Variants in FIBCD1 observed in about 807,000 individuals in gnomAD.
The protein encoded by FIBCD1 is fibrinogen C domain-containing protein 1.
A neutral mutation model predicts 45.1 loss-of-function variants in FIBCD1; 47 were observed. The observed-to-expected ratio is 1.04, with a 90% CI of 0.82 to 1.33. The LOEUF (loss-of-function observed/expected upper bound fraction) is 1.33. Among genes scored for constraint, FIBCD1 ranks in the 40% most tolerant of loss-of-function variants. FIBCD1 has a pLI of 0.00. For missense variants in FIBCD1, 653 were observed against 682.2 expected (o/e 0.96, Z 0.48); for synonymous variants, 313 against 308.1 (o/e 1.02, Z -0.17).
chr9:130,928,012 T>C (rs1431930790), intron 2 of FIBCD1, among the ~76,000 whole-genome samples: 1 of 152,130 alleles, frequency 6.6e-6, no homozygotes, highest in Non-Finnish European at 1.5e-5. Context: ...AGGCTGCCTG[T>C]AGGCACAGCT....
chr9:130,916,164 T>A (rs370760607), intron 4 of FIBCD1, among the ~76,000 whole-genome samples: 1 of 152,174 alleles, frequency 6.6e-6, no homozygotes, highest in South Asian at 2.1e-4. Flanking sequence ...CACCTGACCT[T>A]GTGATCCACC....
At chr9:130,905,924 G>A (rs2133066377) in intron 5 of FIBCD1, among the ~76,000 whole-genome samples, 1 of 152,294 alleles carries the variant, frequency 6.6e-6, no homozygotes. Flanking sequence ...GCCAACACAT[G>A]TGCCCCTGTG....
rs1200727626 is a variant in FIBCD1 at position 130,926,071 on chromosome 9, T to C, written c.553-1675A>G. On this transcript the variant is annotated intron_variant, in intron 2 of 6. Coordinates refer to ENST00000372338, the MANE Select transcript of FIBCD1 (RefSeq NM_032843.5). This position sits in a 1 kb window ranked among gnomAD's most constrained non-coding sequence, Gnocchi z 4.1. ...GTTTGGGTTTCACGGCAGCATCCTG[T>C]AGACGAGCTCCACTGGGCACGCCCC... Among the ~76,000 whole-genome samples, 3 of 152,058 alleles carry C rather than the reference T, an allele frequency of 2.0e-5. No homozygotes were observed. Among genetic ancestry groups the C allele is most frequent in the Admixed American group, 6.5e-5 (1 of 15,274 alleles).
rs1248151809 is a variant in FIBCD1, at chr9:130,926,883, T to G, written c.553-2487A>C. 6.6e-6 allele frequency among the ~76,000 whole-genome samples: 1 copy of G among 152,150 alleles called. No individual in the cohort carries two copies. The highest frequency in any genetic ancestry group is 1.5e-5 in the Non-Finnish European group (1 of 68,030). On this transcript the variant is annotated intron_variant, in intron 2 of 6. Transcript: ENST00000372338. This position sits in a 1 kb window ranked among gnomAD's most constrained non-coding sequence, Gnocchi z 4.1. Reference sequence around the variant, plus strand: ...TGGGATAACAAATGTACTAACCTCCTGGCGTTATGGGGCTGCAAAGTGCCT... The same window carrying G: ...TGGGATAACAAATGTACTAACCTCCGGGCGTTATGGGGCTGCAAAGTGCCT...
rs1046422050 is a variant in FIBCD1, at chr9:130,926,769, C to T, written c.553-2373G>A. On this transcript the variant is annotated intron_variant, in intron 2 of 6. Coordinates refer to ENST00000372338, the MANE Select transcript of FIBCD1 (RefSeq NM_032843.5). The surrounding 1 kb of genome is among the most constrained non-coding windows in gnomAD (Gnocchi z 4.1). ...CCTGGGAGGCGGAGGTTGCAGTGAG[C>T]CGAGATTGAACCACTGCACTCCAGC... is the stretch of plus-strand genomic sequence containing the variant. Among the ~76,000 whole-genome samples, 2 of 152,216 alleles carry T rather than the reference C, an allele frequency of 1.3e-5. No individual in the cohort carries two copies.
intron 4 of FIBCD1, among the ~76,000 whole-genome samples, chr9:130,916,813 G>A (rs564212949): frequency 6.6e-6 from 1 of 152,210 alleles, no homozygotes; most frequent in East Asian, 1.9e-4. Context: ...AAAGGGGTGG[G>A]GAGTCTGGGC....
intron 2 of FIBCD1, among the ~76,000 whole-genome samples, chr9:130,925,571 G>A (rs574641893): frequency 6.6e-6 from 1 of 152,292 alleles, no homozygotes; most frequent in South Asian, 2.1e-4. Flanking sequence ...GGGGATTCAG[G>A]AGAGCCTGGG....
intron 1 of FIBCD1, among the ~76,000 whole-genome samples, chr9:130,936,579 G>A (rs897730318): frequency 2.6e-5 from 4 of 152,238 alleles, no homozygotes; most frequent in Admixed American, 6.5e-5. Flanking sequence ...GGCGGGGCCC[G>A]GCCTGGAGGC....
At chr9:130,928,018 C>T (rs573727223) in intron 2 of FIBCD1, among the ~76,000 whole-genome samples, 36 of 152,282 alleles carry the variant, frequency 2.4e-4, no homozygotes, top group Admixed American at 1.8e-3. Flanking sequence ...CCTGTAGGCA[C>T]AGCTTTGAGA....
intron 4 of FIBCD1, among the ~76,000 whole-genome samples, chr9:130,912,707 A>G (rs917034131): frequency 7.3e-5 from 8 of 109,218 alleles, no homozygotes; most frequent in African/African-American, 5.7e-4. Context: ...ACTGTCTGAA[A>G]AAAAAAAAAG....
Position 130,916,219 on chromosome 9 carries a change from G to A in FIBCD1, c.850-4331C>T, listed in dbSNP as rs553115986. On this transcript the variant is annotated intron_variant, in intron 4 of 6. Transcript: ENST00000372338. The stretch of plus-strand genomic sequence containing the variant: ...GCTGGGATTATAGGCGTGAGCCACC[G>A]CGCCCAGCCTTAGTGCACTGATATT... 2.8e-4 allele frequency among the ~76,000 whole-genome samples: 43 copies of A among 152,322 alleles called. No homozygotes were observed. In the South Asian group the frequency reaches 6.2e-3, roughly 22 times the overall value.
Position 130,903,995 on chromosome 9 carries a change from C to T in FIBCD1, c.*69G>A, listed in dbSNP as rs752214381. The stretch of plus-strand genomic sequence containing the variant: ...GGCACAGGTGGGTGGAGAACATTCA[C>T]GAAAGAGTGAGGTGGGGTCGGGGAT... On this transcript the variant is annotated 3_prime_UTR_variant, in exon 7 of 7. Transcript: ENST00000372338. 14 of 1,566,644 alleles carry T rather than the reference C, an allele frequency of 8.9e-6. No individual in the cohort carries two copies. Among genetic ancestry groups the T allele is most frequent in the African/African-American group, 5.4e-5 (4 of 73,786 alleles).
At chr9:130,935,478 C>T (rs1832504322) in intron 1 of FIBCD1, among the ~76,000 whole-genome samples, 4 of 152,352 alleles carry the variant, frequency 2.6e-5, no homozygotes, top group Admixed American at 6.5e-5. Flanking sequence ...AAGTCCAAAT[C>T]GGCAACTTGT....
At chr9:130,923,558 G>A (rs1832298100) in intron 4 of FIBCD1, among the ~76,000 whole-genome samples, 186 bp downstream of exon 4, 1 of 152,176 alleles carries the variant, frequency 6.6e-6, no homozygotes, top group Non-Finnish European at 1.5e-5. Flanking sequence ...TCAGCTCACA[G>A]AGTCCCCTGT....
At chr9:130,932,294 G>C (rs1280686673) in intron 1 of FIBCD1, among the ~76,000 whole-genome samples, 1 of 152,248 alleles carries the variant, frequency 6.6e-6, no homozygotes, top group East Asian at 1.9e-4. Flanking sequence ...GGGTGGAGGG[G>C]ACATGCGCCT....
chr9:130,911,879 G>C lies in FIBCD1; in HGVS notation c.859C>G (p.Arg287Gly). ...TDGGGWTVFQ[R>G]REDGSVNFFR... ...AAGTTCACGGAGCCGTCCTCCCGGC[G>C]CTGAAACACCTGCAAAGGGAAGATG... Residue 287 changes from arginine to glycine, a missense_variant, in exon 5 of 7, where the codon CGC becomes GGC. By Grantham distance (125) the Arg-to-Gly change is moderately radical. Transcript: ENST00000372338. 6.3e-7 allele frequency: 1 copy of C among 1,579,952 alleles called. No individual in the cohort carries two copies. Among genetic ancestry groups the C allele is most frequent in the Non-Finnish European group, 8.6e-7 (1 of 1,164,280 alleles).
chr9:130,917,076 C>T (rs1406478136), intron 4 of FIBCD1, among the ~76,000 whole-genome samples: 3 of 151,976 alleles, frequency 2.0e-5, no homozygotes, highest in Non-Finnish European at 2.9e-5. Context: ...CCAGCCTGGG[C>T]AACAGAGTGA....
rs1056483019 is a variant in FIBCD1, at chr9:130,938,608, C to T, written c.-1G>A. The T allele has an allele frequency of 6.9e-7, 1 of 1,457,454 alleles. No individual in the cohort carries two copies. The highest frequency in any genetic ancestry group is 9.0e-7 in the Non-Finnish European group (1 of 1,105,596). 90.3% of individuals were successfully genotyped at this position (1,457,454 alleles called of 1,614,324 possible). A position where few individuals can be genotyped will look rare whatever the true frequency, so the allele number is the denominator to read the frequency against. On this transcript the variant is annotated 5_prime_UTR_variant, in exon 1 of 7. Transcript: ENST00000372338. Reference sequence around the variant, plus strand: ...TGGTCTTCCACCGGTCGTTGACCATCTTCCGGCAGGACTGGCGGGGGCGCC... The same window carrying T: ...TGGTCTTCCACCGGTCGTTGACCATTTTCCGGCAGGACTGGCGGGGGCGCC...
chr9:130,922,779 C>T lies in FIBCD1; in HGVS notation c.849+965G>A, dbSNP rs1365502858. Among the ~76,000 whole-genome samples, 2 of 152,112 alleles carry T rather than the reference C, an allele frequency of 1.3e-5. No individual in the cohort carries two copies. Among genetic ancestry groups the T allele is most frequent in the African/African-American group, 4.8e-5 (2 of 41,402 alleles). ...GCCTGGGGCTGGAACACTCCAGCCT[C>T]ATCTCATCACGCACCACAAATCCCT... is the stretch of plus-strand genomic sequence containing the variant. On this transcript the variant is annotated intron_variant, in intron 4 of 6. Transcript: ENST00000372338. This position sits in a 1 kb window ranked among gnomAD's most constrained non-coding sequence, Gnocchi z 4.5.
Sources: gnomAD v4.1 joint callset for allele counts (sites outside exome capture counted in the v4.1 genomes callset) on GRCh38, gnomAD v4.1.1 for gene constraint, Gnocchi (gnomAD v3.1) non-coding constraint, MANE v1.5 for transcripts, NCBI Gene and HGNC (gene_info 2026-07-23, HGNC 2026-07-21) for gene names.